DMBX1: variants seen among roughly 807,000 people sequenced by gnomAD.
The protein encoded by DMBX1 is diencephalon/mesencephalon homeobox protein 1.
In DMBX1, 7 loss-of-function variants were observed where a neutral mutation model predicts 30.4. That is an observed-to-expected ratio of 0.23 (90% confidence interval 0.13 to 0.43). DMBX1 has a LOEUF of 0.43. Ranked by LOEUF, DMBX1 falls within the 20% of genes least tolerant of loss-of-function variation. The pLI is 1.00. For missense variants in DMBX1, 460 were observed against 508.5 expected, an observed-to-expected ratio of 0.90 and a Z score of 0.92; for synonymous variants, 222 against 214.2, an observed-to-expected ratio of 1.04 and a Z score of -0.32.
rs1320586597 is a variant in DMBX1, at chr1:46,515,076, C to T, written c.*2582C>T. On this transcript the variant is annotated 3_prime_UTR_variant, in exon 6 of 6. Transcript: ENST00000360032. Reference sequence around the variant, plus strand: ...GGTTTCCAAATCCTCAGGTCTCTTGCTGGGGTCTGGAATTTGGAAGGGGAA... The same window carrying T: ...GGTTTCCAAATCCTCAGGTCTCTTGTTGGGGTCTGGAATTTGGAAGGGGAA... Among the ~76,000 whole-genome samples, 8 of 152,022 alleles carry T rather than the reference C, an allele frequency of 5.3e-5. No homozygotes were observed. In the East Asian group the frequency reaches 1.5e-3, roughly 29 times the overall value.
At chr1:46,506,102 G>A in intron 2 of DMBX1, among the ~76,000 whole-genome samples, 1 of 151,842 alleles carries the variant, frequency 6.6e-6, no homozygotes, top group East Asian at 1.9e-4. Flanking sequence ...CTGTCGCCCA[G>A]GCTGGAGTGC....
intron 3 of DMBX1, among the ~76,000 whole-genome samples, chr1:46,508,817 CCCCCACCCCCCACCA>C (rs927760100): frequency 6.8e-6 from 1 of 147,668 alleles, no homozygotes; most frequent in African/African-American, 2.5e-5. Context: ...CGCCCCCCAC[CCCCCACCCCCCACCA>C]CCCCTGCAGT....
chr1:46,511,085 C>A lies in DMBX1; in HGVS notation c.484C>A (p.Pro162Thr). The A allele has an allele frequency of 6.2e-7, 1 of 1,614,088 alleles. No homozygotes were observed. The highest frequency in any genetic ancestry group is 8.5e-7 in the Non-Finnish European group (1 of 1,179,992). The change falls in exon 5 of 6, where the codon CCC (proline) becomes ACC (threonine). Residue 162 changes from proline to threonine, a missense_variant. Physicochemically the swap from Pro to Thr is conservative, Grantham distance 38. Around this residue, in one of 3 missense-constraint regions of DMBX1, gnomAD observed 334 missense variants for 345.1 expected, o/e 0.97. Coordinates refer to ENST00000360032, the MANE Select transcript of DMBX1 (RefSeq NM_172225.2). ...AGATACCCAGCTGGACACTGAGCAG[C>A]CCCCACGTCTGCCTGGCAGCGACCC... ...TPDTQLDTEQPPRLPGSDPPA... is the reference protein window; with the variant it reads ...TPDTQLDTEQTPRLPGSDPPA...
chr1:46,500,721 C>T (rs967979735), intron 2 of DMBX1, among the ~76,000 whole-genome samples: 2 of 152,052 alleles, frequency 1.3e-5, no homozygotes, highest in African/African-American at 4.8e-5. Flanking sequence ...ATCATGCATA[C>T]TGCTTTGTTA....
chr1:46,504,993 G>GA (rs953910258), intron 2 of DMBX1, among the ~76,000 whole-genome samples: 30 of 151,988 alleles, frequency 2.0e-4, no homozygotes, highest in African/African-American at 7.2e-4. Flanking sequence ...AAAAACACAT[G>GA]AAAAAATGCT....
At chr1:46,503,430 T>C (rs1419009076) in intron 2 of DMBX1, among the ~76,000 whole-genome samples, 1 of 152,248 alleles carries the variant, frequency 6.6e-6, no homozygotes, top group East Asian at 1.9e-4. Context: ...TGCTATTTAG[T>C]AAGTGGGTGC....
intron 2 of DMBX1, among the ~76,000 whole-genome samples, chr1:46,494,990 G>T (rs1295147810): frequency 6.6e-6 from 1 of 152,210 alleles, no homozygotes; most frequent in African/African-American, 2.4e-5. Context: ...TGAGGTTAGA[G>T]CTTAGTCTGT....
rs929360493 is a variant in DMBX1, at chr1:46,514,725, G to T, written c.*2231G>T. On this transcript the variant is annotated 3_prime_UTR_variant, in exon 6 of 6. Coordinates refer to ENST00000360032, the MANE Select transcript of DMBX1 (RefSeq NM_172225.2). Reference sequence around the variant, plus strand: ...TGATCTATCTGAAAGCCAGGGTAAAGATTGCTAAGGCTTGTCTCCTCTCCC... The same window carrying T: ...TGATCTATCTGAAAGCCAGGGTAAATATTGCTAAGGCTTGTCTCCTCTCCC... 1.3e-5 allele frequency among the ~76,000 whole-genome samples: 2 copies of T among 152,186 alleles called. No homozygotes were observed. The highest frequency in any genetic ancestry group is 2.9e-5 in the Non-Finnish European group (2 of 68,038).
intron 2 of DMBX1, among the ~76,000 whole-genome samples, chr1:46,500,539 C>T (rs1666104871): frequency 1.3e-5 from 2 of 151,642 alleles, no homozygotes; most frequent in Admixed American, 1.3e-4. Flanking sequence ...ATACCTCCCC[C>T]CAGCCCCTAC....
intron 2 of DMBX1, among the ~76,000 whole-genome samples, chr1:46,492,671 C>T (rs561724625): frequency 6.6e-6 from 1 of 152,284 alleles, no homozygotes; most frequent in Admixed American, 6.5e-5. Flanking sequence ...GACGGTCACA[C>T]ACAGACACAC....
rs750650001 is a variant in DMBX1 at position 46,512,393 on chromosome 1, G to C, written c.1033G>C (p.Ala345Pro). Residue 345 changes from alanine to proline, a missense_variant, in exon 6 of 6, where the codon GCA (alanine) becomes CCA (proline). By Grantham distance (27) the Ala-to-Pro change is conservative. This residue lies in a region of DMBX1 where 334 missense variants were observed against 345.1 expected (regional missense o/e 0.97). Transcript: ENST00000360032. This position sits in a 1 kb window ranked among gnomAD's most constrained non-coding sequence, Gnocchi z 4.8. ...TGCACCCCCAGCAGGCCTGGCTCCTGCATCAGCTACCCTGAACAGTAAAAC... is the reference window on the plus strand; with the variant it reads ...TGCACCCCCAGCAGGCCTGGCTCCTCCATCAGCTACCCTGAACAGTAAAAC... ...LPAPPAGLAP[A>P]SATLNSKTTS... 57 of 1,613,930 alleles carry C rather than the reference G, an allele frequency of 3.5e-5. No homozygotes were observed. The Admixed American group carries it at 9.5e-4, about 27-fold the overall frequency.
At chr1:46,502,309 G>T (rs922248088) in intron 2 of DMBX1, among the ~76,000 whole-genome samples, 3 of 151,690 alleles carry the variant, frequency 2.0e-5, no homozygotes, top group Non-Finnish European at 4.4e-5. Flanking sequence ...TCTTCATTCA[G>T]GAAAAGACCC....
chr1:46,507,337 C>A (rs991542003), intron 3 of DMBX1, among the ~76,000 whole-genome samples, 173 bp downstream of exon 3: 1 of 152,220 alleles, frequency 6.6e-6, no homozygotes, highest in African/African-American at 2.4e-5. Context: ...GCATGTATAT[C>A]CAGAGTGCCT....
chr1:46,494,776 C>T (rs1173476600), intron 2 of DMBX1, among the ~76,000 whole-genome samples: 1 of 152,202 alleles, frequency 6.6e-6, no homozygotes, highest in Non-Finnish European at 1.5e-5. Context: ...TGCATAGCTC[C>T]AACTCCAGGT....
chr1:46,499,161 C>G (rs1403772003), intron 2 of DMBX1, among the ~76,000 whole-genome samples: 1 of 152,024 alleles, frequency 6.6e-6, no homozygotes, highest in Non-Finnish European at 1.5e-5. Context: ...CTCAGCCTCC[C>G]GAGTAGCTGG....
Position 46,512,107 on chromosome 1 carries a change from C to T in DMBX1, c.747C>T (p.His249=). ...GGGGTGGCCTCCTGGGCCCCTCCCA[C>T]TCCTATTCCTCGTCCCCGCTGAGCC... ...APGGGLLGPS[H]SYSSSPLSLF... Residue 249 remains histidine (H), a synonymous_variant, in exon 6 of 6, where the codon CAC becomes CAT. Coordinates refer to ENST00000360032, the MANE Select transcript of DMBX1 (RefSeq NM_172225.2). This position sits in a 1 kb window ranked among gnomAD's most constrained non-coding sequence, Gnocchi z 4.8. 4 of 1,613,878 alleles carry T rather than the reference C, an allele frequency of 2.5e-6. 1 individual carries two copies. The South Asian group carries it at 3.3e-5, about 13-fold the overall frequency.
Position 46,510,639 on chromosome 1 carries a change from T to A in DMBX1, c.318T>A (p.Pro106=). ...GGCTGGCCATGTGCACCAACCTGCC[T>A]GAGGCCCGGGTGCAGGTAGGGCCCA... ...RERLAMCTNL[P]EARVQVWFKN... is the part of the protein sequence containing the mutation. The change falls in exon 4 of 6, where the codon CCT becomes CCA. Residue 106 remains proline (P), a synonymous_variant. Transcript: ENST00000360032. The surrounding 1 kb of genome is among the most constrained non-coding windows in gnomAD (Gnocchi z 4.1). 1 of 1,613,846 alleles carries A rather than the reference T, an allele frequency of 6.2e-7. No homozygotes were observed. The highest frequency in any genetic ancestry group is 8.5e-7 in the Non-Finnish European group (1 of 1,179,920).
chr1:46,507,179 G>T lies in DMBX1; in HGVS notation c.154+15G>T. On this transcript the variant is annotated intron_variant, in intron 3 of 5. Coordinates refer to ENST00000360032, the MANE Select transcript of DMBX1 (RefSeq NM_172225.2). ...GCGCCTGGCTGGTAAGGGCCCTGGG[G>T]ATGGGACCATGGGGACAGGACTGTG... is the stretch of plus-strand genomic sequence containing the variant. The T allele has an allele frequency of 1.2e-6, 2 of 1,613,924 alleles. No homozygotes were observed. Among genetic ancestry groups the T allele is most frequent in the Non-Finnish European group, 1.7e-6 (2 of 1,179,904 alleles).
In DMBX1 at chr1:46,497,295, A is replaced by G. The variant is rs148607735; in HGVS notation, c.-13+6512A>G. On this transcript the variant is annotated intron_variant, in intron 2 of 5. Coordinates refer to ENST00000360032, the MANE Select transcript of DMBX1 (RefSeq NM_172225.2). Reference sequence around the variant, plus strand: ...TTGAAGTTTATTAGGTGATATACCTAGAATGAGTGAAACAAGACTTGGCAC... The same window carrying G: ...TTGAAGTTTATTAGGTGATATACCTGGAATGAGTGAAACAAGACTTGGCAC... Among the ~76,000 whole-genome samples the G allele has an allele frequency of 9.1e-4, 138 of 152,364 alleles. 1 individual carries two copies. The highest frequency in any genetic ancestry group is 3.0e-3 in the African/African-American group (125 of 41,588).
Sources: gnomAD v4.1 joint callset for allele counts (sites outside exome capture counted in the v4.1 genomes callset) on GRCh38, gnomAD v4.1.1 for gene constraint, gnomAD v4.1.1 regional missense constraint, Gnocchi (gnomAD v3.1) non-coding constraint, MANE v1.5 for transcripts, NCBI Gene and HGNC (gene_info 2026-07-23, HGNC 2026-07-21) for gene names.